The following BMPER variants were observed in gnomAD, a reference collection of about 807,000 sequenced individuals.
BMPER encodes BMP-binding endothelial regulator protein.
In BMPER, 45 loss-of-function variants were observed where a neutral mutation model predicts 87.3. The observed-to-expected ratio is 0.52, with a 90% confidence interval of 0.41 to 0.66. BMPER has a LOEUF of 0.66. BMPER is among the 30% of genes least tolerant of loss of function. The pLI, the probability that BMPER is intolerant of heterozygous loss-of-function variation, is 0.00. For synonymous variants in BMPER, 326 were observed against 316.2 expected, an observed-to-expected ratio of 1.03 and a Z score of -0.33; for missense variants, 784 against 867.5, an observed-to-expected ratio of 0.90 and a Z score of 1.21.
At chr7:34,042,552 A>G (rs1787859075) in intron 6 of BMPER, 2 of 152,236 alleles carry the variant, frequency 1.3e-5, no homozygotes, top group Non-Finnish European at 2.9e-5. Context: ...TAAAATGTGC[A>G]AAACACAAGG....
intron 6 of BMPER, among the ~76,000 whole-genome samples, chr7:34,044,399 T>C (rs993038611): frequency 2.0e-5 from 3 of 152,220 alleles, no homozygotes; most frequent in African/African-American, 7.2e-5. Flanking sequence ...TCTGTGCACC[T>C]ACAAGAGGCC....
chr7:34,132,106 G>A (rs1408479433), intron 13 of BMPER, among the ~76,000 whole-genome samples: 3 of 152,176 alleles, frequency 2.0e-5, no homozygotes, highest in Non-Finnish European at 4.4e-5. Context: ...CAATCTTGGT[G>A]TGGTGATCAC....
chr7:33,938,113 T>A (rs568653362), intron 3 of BMPER, among the ~76,000 whole-genome samples: 3 of 152,172 alleles, frequency 2.0e-5, no homozygotes, highest in African/African-American at 7.2e-5. Flanking sequence ...GTGGTGTGAT[T>A]TTCCCCCTCT....
chr7:34,042,802 C>T (rs1446091176), intron 6 of BMPER: 1 of 152,168 alleles, frequency 6.6e-6, no homozygotes, highest in African/African-American at 2.4e-5. Context: ...ACCCCCAAGA[C>T]AGTTTAGCTT....
rs1783788787 is a variant in BMPER at position 33,905,568 on chromosome 7, C to T, written c.-46C>T. On this transcript the variant is annotated 5_prime_UTR_variant, in exon 1 of 15. Coordinates refer to ENST00000649409, the MANE Select transcript of BMPER (RefSeq NM_001365308.1). The stretch of plus-strand genomic sequence containing the variant: ...GTGAGCTGCGGCAGCTGAGCAGAGG[C>T]GGCGGCGCGGGACCTGCAGTCGCCA... 6.9e-6 allele frequency: 11 copies of T among 1,603,934 alleles called. No homozygotes were observed. The highest frequency in any genetic ancestry group is 8.5e-6 in the Non-Finnish European group (10 of 1,178,922).
At chr7:33,996,866 T>G (rs528501676) in intron 6 of BMPER, among the ~76,000 whole-genome samples, 2 of 152,350 alleles carry the variant, frequency 1.3e-5, no homozygotes, top group South Asian at 4.1e-4. Flanking sequence ...ATTCTCTTTA[T>G]TTTTGTACTA....
At chr7:34,129,577 GGAGAGAGAGA>G (rs759886152) in intron 13 of BMPER, among the ~76,000 whole-genome samples, 17 of 47,752 alleles carry the variant, frequency 3.6e-4, no homozygotes, top group Non-Finnish European at 4.9e-4. Flanking sequence ...AAGGAAGGAA[GGAGAGAGAGA>G]GAGAGAGAGA....
At chr7:34,100,815 TG>T (rs1789661109) in intron 13 of BMPER, among the ~76,000 whole-genome samples, 1 of 152,164 alleles carries the variant, frequency 6.6e-6, no homozygotes, top group African/African-American at 2.4e-5. Context: ...AGAATACATC[TG>T]GGGTGAGGAG....
chr7:34,112,306 A>C (rs1789987633), intron 13 of BMPER, among the ~76,000 whole-genome samples: 1 of 151,698 alleles, frequency 6.6e-6, no homozygotes, highest in South Asian at 2.1e-4. Flanking sequence ...CATCCCGGCT[A>C]ACATGGTGAA....
rs1195963861 is a variant in BMPER at position 34,129,577 on chromosome 7, G to GAGA, written c.1746-13653_1746-13652insAGA. Among the ~76,000 whole-genome samples, 7 of 47,758 alleles carry GAGA rather than the reference G, an allele frequency of 1.5e-4. 1 individual carries two copies. The highest frequency in any genetic ancestry group is 3.8e-4 in the African/African-American group (5 of 13,222). The allele number at this position is 47,758 out of a possible 152,430, so 31.3% of individuals were successfully genotyped here. Reference sequence around the variant, plus strand: ...GAAAGAAAAGGAAGGAAGGAAGGAAGGAGAGAGAGAGAGAGAGAGAGAGAG... The same window carrying GAGA: ...GAAAGAAAAGGAAGGAAGGAAGGAAGAGAGAGAGAGAGAGAGAGAGAGAGAGAG... On this transcript the variant is annotated intron_variant, in intron 13 of 14. Transcript: ENST00000649409.
intron 2 of BMPER, among the ~76,000 whole-genome samples, chr7:33,935,399 G>T (rs533239670): frequency 6.6e-6 from 1 of 152,144 alleles, no homozygotes; most frequent in East Asian, 1.9e-4. Context: ...ACCCATGCCT[G>T]GTCCTTAGAT....
At chr7:34,011,312 G>A (rs1421815298) in intron 6 of BMPER, among the ~76,000 whole-genome samples, 1 of 151,778 alleles carries the variant, frequency 6.6e-6, no homozygotes, top group African/African-American at 2.4e-5. Context: ...TGTTATCAAT[G>A]TTGCTGGTTC....
chr7:34,104,429 G>A (rs1423192352), intron 13 of BMPER, among the ~76,000 whole-genome samples: 2 of 152,222 alleles, frequency 1.3e-5, no homozygotes, highest in African/African-American at 4.8e-5. Flanking sequence ...ACAGCGAGTT[G>A]TGTTGAACTG....
chr7:34,097,438 A>G (rs1789557776), intron 13 of BMPER, among the ~76,000 whole-genome samples: 1 of 152,170 alleles, frequency 6.6e-6, no homozygotes, highest in Non-Finnish European at 1.5e-5. Flanking sequence ...ACCATTAACT[A>G]TGGGCAGGTT....
rs570319930 is a variant in BMPER, at chr7:33,924,858, C to T, written c.220-12431C>T. ...TGTATTTTCAGTAGAGACGGGGTTTCACCATGTTGCCCAGGCTGGTCTTGA... is the reference window on the plus strand; with the variant it reads ...TGTATTTTCAGTAGAGACGGGGTTTTACCATGTTGCCCAGGCTGGTCTTGA... On this transcript the variant is annotated intron_variant, in intron 2 of 14. Coordinates refer to ENST00000649409, the MANE Select transcript of BMPER (RefSeq NM_001365308.1). Among the ~76,000 whole-genome samples the T allele has an allele frequency of 1.4e-3, 207 of 152,258 alleles. 2 individuals are homozygous for T. In the South Asian group the frequency reaches 0.017, roughly 13 times the overall value.
At chr7:34,013,371 A>G (rs897942258) in intron 6 of BMPER, among the ~76,000 whole-genome samples, 7 of 151,562 alleles carry the variant, frequency 4.6e-5, no homozygotes, top group Admixed American at 6.6e-5. Flanking sequence ...TACTACTTCC[A>G]TCCTAGATCA....
intron 13 of BMPER, among the ~76,000 whole-genome samples, chr7:34,122,866 T>C (rs1562758005): frequency 6.6e-6 from 1 of 152,206 alleles, no homozygotes; most frequent in African/African-American, 2.4e-5. Flanking sequence ...ATTTACCTGA[T>C]TCGTTTGCAA....
In BMPER at chr7:34,031,951, T is replaced by TAC. The variant is rs1205516937; in HGVS notation, c.577-14345_577-14344dup. On this transcript the variant is annotated intron_variant, in intron 6 of 14. Transcript: ENST00000649409. ...ATACACACACACACACACATATATA[T>TAC]ACACACACACATATATATAAATATA... Among the ~76,000 whole-genome samples, 73 of 136,274 alleles carry TAC rather than the reference T, an allele frequency of 5.4e-4. 1 individual carries two copies. The South Asian group carries it at 0.013, about 25-fold the overall frequency. 89.4% of individuals were successfully genotyped at this position (136,274 alleles called of 152,430 possible). A position where few individuals can be genotyped will look rare whatever the true frequency, so the allele number is the denominator to read the frequency against.
chr7:34,067,497 T>C (rs1327627348), intron 11 of BMPER, among the ~76,000 whole-genome samples: 2 of 152,228 alleles, frequency 1.3e-5, no homozygotes, highest in Non-Finnish European at 2.9e-5. Context: ...GCAAGGTTTC[T>C]GGCCTCCAGG....
Sources: allele counts gnomAD v4.1 joint callset (sites outside exome capture counted in the v4.1 genomes callset), GRCh38; gene constraint gnomAD v4.1.1; transcripts MANE v1.5; gene names NCBI Gene and HGNC (gene_info 2026-07-23, HGNC 2026-07-21).